Variants in UBR2 observed in about 807,000 individuals in gnomAD.
The protein encoded by UBR2 is E3 ubiquitin-protein ligase UBR2.
UBR2 carries 92 observed loss-of-function variants against 247.9 expected under a neutral mutation model. That is an observed-to-expected ratio of 0.37 (90% CI 0.31 to 0.44). The LOEUF (loss-of-function observed/expected upper bound fraction) is 0.44, where lower values mean the gene tolerates loss of function less well. UBR2 is among the 20% of genes least tolerant of loss of function. The probability of loss-of-function intolerance (pLI) is 1.00; values close to 1 mark genes in which losing one functional copy is unlikely to be tolerated. For synonymous variants in UBR2, 672 were observed against 693.5 expected (o/e 0.97, Z 0.49); for missense variants, 1,613 against 2,112.6 (o/e 0.76, Z 4.64).
intron 2 of UBR2, among the ~76,000 whole-genome samples, chr6:42,576,211 G>A (rs1219364738): frequency 6.6e-6 from 1 of 152,140 alleles, no homozygotes; most frequent in Non-Finnish European, 1.5e-5. Flanking sequence ...CTCTCAGGCT[G>A]TCTCAATGGA....
At chr6:42,576,722 C>T (rs932676730) in intron 2 of UBR2, among the ~76,000 whole-genome samples, 13 of 151,894 alleles carry the variant, frequency 8.6e-5, no homozygotes, top group Admixed American at 7.9e-4. Flanking sequence ...GGTTTCACCA[C>T]ATTGGCCAGG....
intron 7 of UBR2, among the ~76,000 whole-genome samples, chr6:42,611,542 A>G (rs186354219): frequency 6.6e-6 from 1 of 152,208 alleles, no homozygotes; most frequent in African/African-American, 2.4e-5. Flanking sequence ...GAAATTAAAG[A>G]CATAAAGCAA....
intron 42 of UBR2, among the ~76,000 whole-genome samples, chr6:42,681,440 G>A (rs759647042): frequency 2.6e-5 from 4 of 152,014 alleles, no homozygotes; most frequent in African/African-American, 9.7e-5. Context: ...TTAAAAAATA[G>A]GTAAAGGGCT....
At chr6:42,586,822 C>CTTTTTTTT (rs34530579) in intron 2 of UBR2, among the ~76,000 whole-genome samples, 9 of 123,906 alleles carry the variant, frequency 7.3e-5, no homozygotes, top group African/African-American at 1.9e-4. Context: ...CACCTATAAA[C>CTTTTTTTT]TTTTTTTTTT....
chr6:42,646,597 C>T (rs1046729159), intron 21 of UBR2, among the ~76,000 whole-genome samples: 2 of 152,006 alleles, frequency 1.3e-5, no homozygotes, highest in African/African-American at 4.8e-5. Flanking sequence ...CTACTCAGGG[C>T]AGGATGTGGA....
intron 2 of UBR2, among the ~76,000 whole-genome samples, chr6:42,591,512 C>T (rs564050797): frequency 9.2e-5 from 14 of 152,310 alleles, no homozygotes; most frequent in African/African-American, 3.1e-4. Flanking sequence ...CCCCAACCAA[C>T]CTTTTGAAAC....
In UBR2 at chr6:42,692,013, T is replaced by C. The variant is rs1186849781; in HGVS notation, c.*840T>C. 2 of 152,156 alleles carry C rather than the reference T, an allele frequency of 1.3e-5. No individual in the cohort carries two copies. The highest frequency in any genetic ancestry group is 6.6e-5 in the Admixed American group (1 of 15,262). The allele number at this position is 152,156 out of a possible 1,614,324, so 9.4% of individuals were successfully genotyped here. Reference sequence around the variant, plus strand: ...CTTCATAAGATCTGGTTGTTTGGGCTGTGGTTGGCATAAGTGATATTTATT... The same window carrying C: ...CTTCATAAGATCTGGTTGTTTGGGCCGTGGTTGGCATAAGTGATATTTATT... On this transcript the variant is annotated 3_prime_UTR_variant, in exon 47 of 47. Coordinates refer to ENST00000372901, the MANE Select transcript of UBR2 (RefSeq NM_001363705.2).
At chr6:42,658,590 G>GA (rs1426014771) in intron 28 of UBR2, 56 bp from the exon 29 acceptor site, 5 of 1,511,214 alleles carry the variant, frequency 3.3e-6, no homozygotes, top group Non-Finnish European at 4.4e-6. Context: ...TTCTGCTTTG[G>GA]AAAAAAATGT....
Position 42,573,751 on chromosome 6 carries a change from T to C in UBR2, c.96T>C (p.Thr32=), listed in dbSNP as rs143511587. 2 of 1,540,214 alleles carry C rather than the reference T, an allele frequency of 1.3e-6. No homozygotes were observed. Among genetic ancestry groups the C allele is most frequent in the Non-Finnish European group, 1.8e-6 (2 of 1,140,062 alleles). ...TTTTAAAGAAATGGCTGCAAGCAACTGACCTCACTAGAGAAGTGTACCAGC... is the reference window on the plus strand; with the variant it reads ...TTTTAAAGAAATGGCTGCAAGCAACCGACCTCACTAGAGAAGTGTACCAGC... ...EEIAGKWLQA[T]DLTREVYQHL... is the part of the protein sequence containing the mutation. Residue 32 remains threonine (T), a synonymous_variant, in exon 2 of 47, where the codon ACT becomes ACC. Transcript: ENST00000372901.
chr6:42,637,346 G>GTAT lies in UBR2; in HGVS notation c.1858+161_1858+163dup, dbSNP rs1464669934. The GTAT allele has an allele frequency of 4.4e-6, 4 of 909,622 alleles. No homozygotes were observed. In the East Asian group the frequency reaches 1.1e-4, roughly 24 times the overall value. The allele number at this position is 909,622 out of a possible 1,614,324, so 56.3% of individuals were successfully genotyped here. On this transcript the variant is annotated intron_variant, in intron 15 of 46. Coordinates refer to ENST00000372901, the MANE Select transcript of UBR2 (RefSeq NM_001363705.2). ...ATCATCACATCGTCCTGTGAAGTAG[G>GTAT]TATTATTATTAAGCTTGCTTCATAG...
chr6:42,580,547 A>ATTTTT (rs35507530), intron 2 of UBR2, among the ~76,000 whole-genome samples: 1 of 148,866 alleles, frequency 6.7e-6, no homozygotes, highest in African/African-American at 2.5e-5. Context: ...TTAATTGTAC[A>ATTTTT]TTTTTTTTTT....
chr6:42,632,653 A>G lies in UBR2; in HGVS notation c.1383A>G (p.Glu461=). 1 of 1,613,780 alleles carries G rather than the reference A, an allele frequency of 6.2e-7. No individual in the cohort carries two copies. Among genetic ancestry groups the G allele is most frequent in the Non-Finnish European group, 8.5e-7 (1 of 1,179,856 alleles). The change falls in exon 12 of 47, where the codon GAA becomes GAG. Residue 461 remains glutamate (E), a synonymous_variant. Coordinates refer to ENST00000372901, the MANE Select transcript of UBR2 (RefSeq NM_001363705.2). ...ATGCCCAGGGCAGATTTCAGTTTGA[A>G]CGATACACTGCTTTACAAGCCTTCA... is the stretch of plus-strand genomic sequence containing the variant. ...HRDAQGRFQF[E]RYTALQAFKF...
intron 4 of UBR2, among the ~76,000 whole-genome samples, chr6:42,601,458 G>A (rs1793350891): frequency 6.6e-6 from 1 of 152,140 alleles, no homozygotes; most frequent in African/African-American, 2.4e-5. Flanking sequence ...GGAGGCCAAG[G>A]CAGGTGGATC....
rs146500080 is a variant in UBR2, at chr6:42,651,851, C to T, written c.2566-172C>T. ...CCTTGGCCAGACACATTGGCTCATG[C>T]CTGTAATCCCAGCACTTTGGGAGGT... On this transcript the variant is annotated intron_variant, in intron 23 of 46. Transcript: ENST00000372901. Among the ~76,000 whole-genome samples the T allele has an allele frequency of 7.3e-3, 1,103 of 152,138 alleles. 9 individuals carry two copies. The highest frequency in any genetic ancestry group is 0.01 in the Non-Finnish European group (710 of 68,004).
At position 42,659,950 on chromosome 6, in the gene UBR2, C is replaced by A; in HGVS notation, c.3442+95C>A. The A allele has an allele frequency of 8.2e-7, 1 of 1,221,318 alleles. No individual in the cohort carries two copies. Among genetic ancestry groups the A allele is most frequent in the Non-Finnish European group, 1.2e-6 (1 of 863,002 alleles). 75.7% of individuals were successfully genotyped at this position (1,221,318 alleles called of 1,614,324 possible). The stretch of plus-strand genomic sequence containing the variant: ...TGAGATTTTTTAAACCTAAAAATAA[C>A]TCCATGGACTTGGATGGTATCTTTG... On this transcript the variant is annotated intron_variant, in intron 30 of 46. Transcript: ENST00000372901. The surrounding 1 kb of genome is among the most constrained non-coding windows in gnomAD (Gnocchi z 4.3).
chr6:42,686,304 G>A (rs1230462010), intron 44 of UBR2, among the ~76,000 whole-genome samples: 1 of 151,420 alleles, frequency 6.6e-6, no homozygotes, highest in Non-Finnish European at 1.5e-5. Flanking sequence ...CTGCCTTCAA[G>A]CATCTGTTTA....
chr6:42,597,746 G>A (rs1003576645), intron 4 of UBR2, among the ~76,000 whole-genome samples: 3 of 151,550 alleles, frequency 2.0e-5, no homozygotes, highest in Non-Finnish European at 4.4e-5. Context: ...GAGAAACCCC[G>A]TCTCTACTAA....
At chr6:42,674,454 C>T (rs1179221919) in intron 38 of UBR2, among the ~76,000 whole-genome samples, 8 of 152,084 alleles carry the variant, frequency 5.3e-5, no homozygotes, top group African/African-American at 1.7e-4. Flanking sequence ...TGCTTTTAAC[C>T]TGTAAAGAGA....
At chr6:42,676,269 AG>A in intron 39 of UBR2, 78 bp downstream of exon 39, 1 of 1,427,604 alleles carries the variant, frequency 7.0e-7, no homozygotes, top group East Asian at 2.5e-5. Flanking sequence ...TTAGAGGAAA[AG>A]GTATTTGGAT....
Sources: allele counts gnomAD v4.1 joint callset (sites outside exome capture counted in the v4.1 genomes callset), GRCh38; gene constraint gnomAD v4.1.1; non-coding constraint Gnocchi (gnomAD v3.1); transcripts MANE v1.5; gene names NCBI Gene and HGNC (gene_info 2026-07-23, HGNC 2026-07-21).